The following SPTLC2 variants were observed in gnomAD, a reference collection of about 807,000 sequenced individuals.
SPTLC2 encodes the protein serine palmitoyltransferase 2.
In SPTLC2, 21 loss-of-function variants were observed where a neutral mutation model predicts 62.0. That is an observed-to-expected ratio of 0.34 (90% CI 0.24 to 0.49). SPTLC2 has a LOEUF of 0.49. Ranked by LOEUF, SPTLC2 falls within the 20% of genes least tolerant of loss-of-function variation. The pLI is 0.99. For synonymous variants in SPTLC2, 261 were observed against 261.8 expected (o/e 1.00, Z 0.03); for missense variants, 511 against 713.0 (o/e 0.72, Z 3.23).
At chr14:77,553,729 CAA>C (rs34500527) in intron 8 of SPTLC2, among the ~76,000 whole-genome samples, 25 of 96,562 alleles carry the variant, frequency 2.6e-4, no homozygotes, top group Admixed American at 3.7e-4. Context: ...GGCTTGGTCT[CAA>C]AAAAAAAAAA....
chr14:77,531,250 G>A (rs144572233), intron 9 of SPTLC2, among the ~76,000 whole-genome samples: 123 of 152,230 alleles, frequency 8.1e-4, no homozygotes, highest in African/African-American at 2.8e-3. Context: ...GCACAACATT[G>A]AGCATCACTG....
At chr14:77,516,617 A>T (rs2139992185) in intron 11 of SPTLC2, among the ~76,000 whole-genome samples, 1 of 152,358 alleles carries the variant, frequency 6.6e-6, no homozygotes, top group African/African-American at 2.4e-5. Context: ...GAAAAATCTG[A>T]CAGGCATAAT....
At chr14:77,576,084 T>C (rs2079714063) in intron 4 of SPTLC2, among the ~76,000 whole-genome samples, 1 of 152,252 alleles carries the variant, frequency 6.6e-6, no homozygotes, top group African/African-American at 2.4e-5. Flanking sequence ...TGCCAATCCC[T>C]AGAACCCTGA....
intron 4 of SPTLC2, among the ~76,000 whole-genome samples, chr14:77,572,105 T>G (rs116078732): frequency 8.5e-4 from 130 of 152,302 alleles, no homozygotes; most frequent in African/African-American, 3.1e-3. Context: ...TTATAAAATA[T>G]CAAATGCCAT....
At chr14:77,576,964 T>C (rs1395067357) in intron 3 of SPTLC2, 49 bp from the exon 4 acceptor site, 2 of 1,601,836 alleles carry the variant, frequency 1.2e-6, no homozygotes, top group Non-Finnish European at 1.7e-6. Context: ...AAAAAAGTAC[T>C]TACATGTAAT....
intron 2 of SPTLC2, among the ~76,000 whole-genome samples, chr14:77,586,120 G>A (rs1282707340): frequency 6.9e-6 from 1 of 144,746 alleles, no homozygotes; most frequent in Non-Finnish European, 1.5e-5. Flanking sequence ...CTGTTACCCA[G>A]GCTGGAGTGC....
rs143900226 is a variant in SPTLC2, at chr14:77,538,427, G to C, written c.1303+13669C>G. On this transcript the variant is annotated intron_variant, in intron 9 of 11. Transcript: ENST00000216484. ...ATAGGCACAGAGATATGCTTGCATG[G>C]AGGACATTTTAAACTTGAAATAATA... Among the ~76,000 whole-genome samples the C allele has an allele frequency of 2.7e-3, 410 of 152,306 alleles. 1 individual carries two copies. Among genetic ancestry groups the C allele is most frequent in the African/African-American group, 9.5e-3 (396 of 41,570 alleles).
At chr14:77,571,996 C>T (rs2079686181) in intron 4 of SPTLC2, among the ~76,000 whole-genome samples, 1 of 152,164 alleles carries the variant, frequency 6.6e-6, no homozygotes, top group African/African-American at 2.4e-5. Context: ...CCATGCTGGC[C>T]AGGCTGGTCT....
chr14:77,605,958 T>C (rs183905120), intron 1 of SPTLC2, among the ~76,000 whole-genome samples: 49 of 152,360 alleles, frequency 3.2e-4, no homozygotes, highest in African/African-American at 1.1e-3. Flanking sequence ...TTATACCTCA[T>C]TGTATCTGCC....
chr14:77,602,957 T>C (rs2079886148), intron 1 of SPTLC2, among the ~76,000 whole-genome samples: 1 of 152,214 alleles, frequency 6.6e-6, no homozygotes, highest in Non-Finnish European at 1.5e-5. Context: ...ATATGTTGCC[T>C]TCTGTCTCTT....
intron 5 of SPTLC2, among the ~76,000 whole-genome samples, chr14:77,565,956 A>G (rs2079642698): frequency 6.6e-6 from 1 of 152,226 alleles, no homozygotes; most frequent in South Asian, 2.1e-4. Flanking sequence ...TAAAATTGAA[A>G]AAGCGAAACT....
In SPTLC2 at chr14:77,507,048, CCCAAGGGTGGACTGTGAATGTGACACTT is replaced by C. The variant is rs1032190258; in HGVS notation, c.*5208_*5235del. 5.9e-5 allele frequency: 9 copies of C among 152,292 alleles called. No homozygotes were observed. Among genetic ancestry groups the C allele is most frequent in the African/African-American group, 2.2e-4 (9 of 41,558 alleles). The allele number at this position is 152,292 out of a possible 1,614,324, so 9.4% of individuals were successfully genotyped here. A position where few individuals can be genotyped will look rare whatever the true frequency, so the allele number is the denominator to read the frequency against. ...TTGTCCCCAGCTCCACCAAGCCACT[CCCAAGGGTGGACTGTGAATGTGACACTT>C]CCAGACTCACCAGAGATTAGAAAAA... On this transcript the variant is annotated 3_prime_UTR_variant, in exon 12 of 12. Coordinates refer to ENST00000216484, the MANE Select transcript of SPTLC2 (RefSeq NM_004863.4).
At chr14:77,578,746 C>A (rs1034637868) in intron 3 of SPTLC2, 2 of 510,016 alleles carry the variant, frequency 3.9e-6, no homozygotes, top group Admixed American at 7.6e-5. Flanking sequence ...AAATTTTCTT[C>A]TGAACTATAA....
Position 77,517,907 on chromosome 14 carries a change from G to C in SPTLC2, c.1569+131C>G. 5 of 1,408,026 alleles carry C rather than the reference G, an allele frequency of 3.6e-6. No individual in the cohort carries two copies. In the South Asian group the frequency reaches 6.0e-5, roughly 17 times the overall value. The allele number at this position is 1,408,026 out of a possible 1,614,324, so 87.2% of individuals were successfully genotyped here. A position where few individuals can be genotyped will look rare whatever the true frequency, so the allele number is the denominator to read the frequency against. On this transcript the variant is annotated intron_variant, in intron 11 of 11. Coordinates refer to ENST00000216484, the MANE Select transcript of SPTLC2 (RefSeq NM_004863.4). Reference sequence around the variant, plus strand: ...TTTTTTTGTAAATGCCAATGTTTTTGGTAGCACTGTCACCCCCTCTGTCTT... The same window carrying C: ...TTTTTTTGTAAATGCCAATGTTTTTCGTAGCACTGTCACCCCCTCTGTCTT...
chr14:77,545,110 T>G (rs2140011870), intron 9 of SPTLC2, among the ~76,000 whole-genome samples: 2 of 152,238 alleles, frequency 1.3e-5, no homozygotes, highest in South Asian at 4.1e-4. Context: ...AATAATTTTT[T>G]CTTTAACACC....
intron 5 of SPTLC2, among the ~76,000 whole-genome samples, chr14:77,568,700 C>CA (rs2140032317): frequency 6.6e-6 from 1 of 150,582 alleles, no homozygotes; most frequent in South Asian, 2.1e-4. Context: ...CCCAGCTACT[C>CA]AAGAGGCTGA....
intron 2 of SPTLC2, among the ~76,000 whole-genome samples, chr14:77,586,585 T>G (rs755301967): frequency 1.3e-5 from 2 of 152,218 alleles, no homozygotes; most frequent in Non-Finnish European, 2.9e-5. Context: ...AATGAAGTAC[T>G]GTTACTTGCT....
intron 9 of SPTLC2, among the ~76,000 whole-genome samples, chr14:77,527,419 C>T (rs542459407): frequency 2.0e-5 from 3 of 152,184 alleles, no homozygotes; most frequent in South Asian, 2.1e-4. Flanking sequence ...GTTGAAGGAG[C>T]GCCACAATTA....
At chr14:77,597,060 A>T in intron 2 of SPTLC2, 126 bp downstream of exon 2, 1 of 883,778 alleles carries the variant, frequency 1.1e-6, no homozygotes, top group African/African-American at 1.7e-5. Context: ...GTTTTCATTT[A>T]ACTGCATCTG....
Sources: allele counts gnomAD v4.1 joint callset (sites outside exome capture counted in the v4.1 genomes callset), GRCh38; gene constraint gnomAD v4.1.1; transcripts MANE v1.5; gene names NCBI Gene and HGNC (gene_info 2026-07-23, HGNC 2026-07-21).